OGG1: variants seen among roughly 807,000 people sequenced by gnomAD.
OGG1 encodes the protein N-glycosylase/DNA lyase.
A neutral mutation model predicts 42.3 loss-of-function variants in OGG1; 35 were observed. That is an observed-to-expected ratio of 0.83 (90% CI 0.63 to 1.10). The LOEUF (loss-of-function observed/expected upper bound fraction) is 1.10. Among genes scored for constraint, OGG1 ranks in the 50% least tolerant of loss-of-function variants. OGG1 has a pLI of 0.00. For missense variants in OGG1, 484 were observed against 446.7 expected (o/e 1.08, Z -0.75); for synonymous variants, 189 against 179.0 (o/e 1.06, Z -0.44).
At position 9,750,014 on chromosome 3, in the gene OGG1, C is replaced by G. The variant is rs376737034; in HGVS notation, c.-273C>G. 4 of 521,060 alleles carry G rather than the reference C, an allele frequency of 7.7e-6. No individual in the cohort carries two copies. Among genetic ancestry groups the G allele is most frequent in the African/African-American group, 3.8e-5 (2 of 52,780 alleles). The allele number at this position is 521,060 out of a possible 1,614,324, so 32.3% of individuals were successfully genotyped here. A position where few individuals can be genotyped will look rare whatever the true frequency, so the allele number is the denominator to read the frequency against. On this transcript the variant is annotated 5_prime_UTR_variant, in exon 1 of 7. Transcript: ENST00000344629. Reference sequence around the variant, plus strand: ...ACACAGCTGTGCGCGCCCACAGGCTCTGGGGGCGGGAGAAGATAAGTCGCA... The same window carrying G: ...ACACAGCTGTGCGCGCCCACAGGCTGTGGGGGCGGGAGAAGATAAGTCGCA...
downstream of OGG1, among the ~76,000 whole-genome samples, chr3:9,791,060 T>G (rs1312135305): frequency 6.6e-6 from 1 of 152,232 alleles, no homozygotes; most frequent in African/African-American, 2.4e-5. Flanking sequence ...AAAAGCTTAC[T>G]GAATTAGAAA....
intron 3 of OGG1, among the ~76,000 whole-genome samples, chr3:9,752,368 G>A (rs2472033): frequency 8.6e-5 from 13 of 151,990 alleles, no homozygotes; most frequent in Admixed American, 3.9e-4. Context: ...GTTGTCATGA[G>A]GGTTGAAGAA....
In OGG1 at chr3:9,751,107, C is replaced by T. The variant is rs2077281999; in HGVS notation, c.300C>T (p.Phe100=). The T allele has an allele frequency of 1.2e-6, 2 of 1,614,138 alleles. No homozygotes were observed. Among genetic ancestry groups the T allele is most frequent in the South Asian group, 2.2e-5 (2 of 91,078 alleles). The change falls in exon 2 of 7, where the codon TTC becomes TTT. Residue 100 remains phenylalanine, a synonymous_variant. Coordinates refer to ENST00000344629, the MANE Select transcript of OGG1 (RefSeq NM_002542.6). ...PDELEAVRKY[F]QLDVTLAQLY... ...AGCTGGAGGCCGTGCGCAAGTACTT[C>T]CAGCTAGATGTTACCCTGGCTCAAC...
chr3:9,774,429 C>A (rs73021462), intron 2 of OGG1, among the ~76,000 whole-genome samples: 6,117 of 93,728 alleles, frequency 0.065, 246 homozygotes, highest in East Asian at 0.2. Flanking sequence ...AAAAAAAAAA[C>A]AAAACTTTAA....
At position 9,754,748 on chromosome 3, in the gene OGG1, C is replaced by T. The variant is rs376536141; in HGVS notation, c.610C>T (p.Arg204Cys). 5.9e-5 allele frequency: 95 copies of T among 1,614,046 alleles called. No individual in the cohort carries two copies. The highest frequency in any genetic ancestry group is 1.6e-4 in the Middle Eastern group (1 of 6,084). The change falls in exon 4 of 7, where the codon CGT (arginine) becomes TGT (cysteine). Residue 204 changes from arginine to cysteine, a missense_variant. Arg to Cys is a radical substitution (Grantham distance 180). Coordinates refer to ENST00000344629, the MANE Select transcript of OGG1 (RefSeq NM_002542.6). The part of the protein sequence containing the change: ...AHLRKLGLGY[R>C]ARYVSASARA... ...TCTCAGGAAGCTGGGCCTGGGCTAT[C>T]GTGCCCGTTACGTGAGTGCCAGTGC...
chr3:9,771,444 G>A (rs2078297167), downstream of OGG1, among the ~76,000 whole-genome samples: 1 of 152,174 alleles, frequency 6.6e-6, no homozygotes, highest in Non-Finnish European at 1.5e-5. Context: ...TCTTACTCGG[G>A]AACATGGGAA....
chr3:9,775,337 A>C (rs2078351175), intron 2 of OGG1, among the ~76,000 whole-genome samples: 1 of 152,190 alleles, frequency 6.6e-6, no homozygotes, highest in South Asian at 2.1e-4. Flanking sequence ...TCCATTTGCT[A>C]TCAAATGTAT....
chr3:9,781,344 C>G (rs752769813), intron 2 of OGG1, among the ~76,000 whole-genome samples: 1 of 152,080 alleles, frequency 6.6e-6, no homozygotes, highest in East Asian at 1.9e-4. Context: ...CACTCTCTCT[C>G]TCTGTCTTTC....
At chr3:9,783,953 A>T in intron 3 of OGG1, 1 of 1,491,868 alleles carries the variant, frequency 6.7e-7, no homozygotes, top group Non-Finnish European at 9.0e-7. Context: ...CTGTTGTAAA[A>T]CCCCTGAAAG....
At chr3:9,777,735 A>G (rs2078382985) in intron 2 of OGG1, among the ~76,000 whole-genome samples, 1 of 151,900 alleles carries the variant, frequency 6.6e-6, no homozygotes, top group Non-Finnish European at 1.5e-5. Context: ...AATTCCATCC[A>G]ATTTTGGGAT....
intron 7 of OGG1, among the ~76,000 whole-genome samples, chr3:9,764,477 T>C (rs1368904419): frequency 1.3e-5 from 2 of 152,056 alleles, no homozygotes; most frequent in Non-Finnish European, 2.9e-5. Flanking sequence ...CATGTCCAGC[T>C]AATTTTGTAT....
chr3:9,762,484 C>G (rs973973529), intron 7 of OGG1, among the ~76,000 whole-genome samples: 2 of 152,172 alleles, frequency 1.3e-5, no homozygotes, highest in Admixed American at 1.3e-4. Flanking sequence ...CCAAGTGATT[C>G]GCCTGCCTCA....
At chr3:9,776,220 C>T (rs182405220) in intron 2 of OGG1, among the ~76,000 whole-genome samples, 3 of 152,210 alleles carry the variant, frequency 2.0e-5, no homozygotes, top group Admixed American at 6.5e-5. Flanking sequence ...GCCAGCTGTT[C>T]ACACCTCTGT....
intron 3 of OGG1, among the ~76,000 whole-genome samples, chr3:9,753,375 G>A (rs906159336): frequency 4.0e-5 from 6 of 148,180 alleles, no homozygotes; most frequent in African/African-American, 1.2e-4. Flanking sequence ...AAACCTGGCC[G>A]GGCGTGGTGG....
At chr3:9,758,031 C>T (rs372661748), downstream of OGG1, 70 of 829,208 alleles carry the variant, frequency 8.4e-5, 1 homozygote, top group Middle Eastern at 7.3e-4. Flanking sequence ...CACACACACA[C>T]GCACATATGT....
rs994940407 is a variant in OGG1 at position 9,756,575 on chromosome 3, C to T, written c.852C>T (p.Thr284=). 4.3e-6 allele frequency: 7 copies of T among 1,614,050 alleles called. No individual in the cohort carries two copies. The African/African-American group carries it at 8.0e-5, about 18-fold the overall frequency. The change falls in exon 5 of 7, where the codon ACC becomes ACT. Residue 284 remains threonine, a synonymous_variant. Transcript: ENST00000344629. ...AACGTGACTACAGCTGGCACCCTAC[C>T]ACGTCCCAGGCGAAGGGACCGAGCC... ...IAQRDYSWHP[T]TSQAKGPSPQ...
chr3:9,789,447 T>A, downstream of OGG1: 8 of 1,485,550 alleles, frequency 5.4e-6, no homozygotes, highest in Non-Finnish European at 6.5e-6. Context: ...GTAGCTTTAC[T>A]TCTCAGGCAC....
At chr3:9,778,353 CCTCT>C (rs372112058) in intron 2 of OGG1, among the ~76,000 whole-genome samples, 5 of 152,168 alleles carry the variant, frequency 3.3e-5, no homozygotes, top group African/African-American at 1.2e-4. Context: ...CTCATGCTGT[CCTCT>C]CTCTCAGGAT....
chr3:9,759,437 T>TGGGGAGGAGTCCTGGGGAGGC (rs2077740131), downstream of OGG1: 2 of 1,612,632 alleles, frequency 1.2e-6, no homozygotes, highest in Non-Finnish European at 1.7e-6. Context: ...TGGGTAGGGA[T>TGGGGAGGAGTCCTGGGGAGGC]GGGGAGGAGT....
Sources: gnomAD v4.1 joint callset for allele counts (sites outside exome capture counted in the v4.1 genomes callset) on GRCh38, gnomAD v4.1.1 for gene constraint, MANE v1.5 for transcripts, NCBI Gene and HGNC (gene_info 2026-07-23, HGNC 2026-07-21) for gene names.